Variants in OR1J2 observed in about 807,000 individuals in gnomAD.
OR1J2 encodes olfactory receptor 1J2.
For missense variants in OR1J2, 304 were observed against 246.1 expected, an observed-to-expected ratio of 1.24 and a Z score of -1.57; for synonymous variants, 142 against 99.7, an observed-to-expected ratio of 1.42 and a Z score of -2.52.
At chr9:122,478,782 G>T in the OR1J2 span, among the ~76,000 whole-genome samples, 5 of 151,676 alleles carry the variant, frequency 3.3e-5, no homozygotes, top group Non-Finnish European at 5.9e-5. Flanking sequence ...ATCTTTTTTT[G>T]TTTGTTTGTT....
the OR1J2 span, among the ~76,000 whole-genome samples, chr9:122,469,199 C>T: frequency 6.6e-6 from 1 of 152,198 alleles, no homozygotes; most frequent in Non-Finnish European, 1.5e-5. Context: ...AGTGATATGG[C>T]TTGGCTCTGT....
the OR1J2 span, among the ~76,000 whole-genome samples, chr9:122,478,895 T>G: frequency 6.6e-6 from 1 of 152,112 alleles, no homozygotes; most frequent in East Asian, 1.9e-4. Context: ...TTCTTCCAGC[T>G]AATTTTTTAT....
chr9:122,527,067 A>G, the OR1J2 span: 1 of 1,614,246 alleles, frequency 6.2e-7, no homozygotes, highest in East Asian at 2.2e-5. Context: ...CATCTTGGTA[A>G]CTGTGGAGGA....
chr9:122,500,496 C>G, the OR1J2 span, among the ~76,000 whole-genome samples: 11 of 152,108 alleles, frequency 7.2e-5, no homozygotes, highest in Admixed American at 2.0e-4. Context: ...GAGTTGATCT[C>G]TATGTACTAT....
chr9:122,552,608 TCA>T, the OR1J2 span, among the ~76,000 whole-genome samples: 5 of 152,028 alleles, frequency 3.3e-5, no homozygotes, highest in African/African-American at 1.2e-4. Context: ...TGCCCTCAGC[TCA>T]CATATCCTTT....
chr9:122,559,044 T>C, the OR1J2 span, among the ~76,000 whole-genome samples: 7 of 152,200 alleles, frequency 4.6e-5, no homozygotes, highest in African/African-American at 1.7e-4. Flanking sequence ...TGTCATTTCT[T>C]TGAGGTGAGA....
chr9:122,550,523 A>T, the OR1J2 span, among the ~76,000 whole-genome samples: 2 of 152,066 alleles, frequency 1.3e-5, no homozygotes, highest in Non-Finnish European at 2.9e-5. Context: ...ACTGAATCCA[A>T]CAGCACATCA....
chr9:122,462,334 G>A, the OR1J2 span, among the ~76,000 whole-genome samples: 7 of 152,154 alleles, frequency 4.6e-5, no homozygotes, highest in Admixed American at 3.3e-4. Flanking sequence ...GTCTCTTGAA[G>A]ACAGAAGATA....
At chr9:122,517,087 C>G in the OR1J2 span, among the ~76,000 whole-genome samples, 1 of 152,168 alleles carries the variant, frequency 6.6e-6, no homozygotes, top group Non-Finnish European at 1.5e-5. Flanking sequence ...ATTCTCATGA[C>G]TTAGGCTCAT....
the OR1J2 span, among the ~76,000 whole-genome samples, chr9:122,546,502 A>G: frequency 6.6e-6 from 1 of 152,164 alleles, no homozygotes; most frequent in Non-Finnish European, 1.5e-5. Context: ...GAGCTGTCCA[A>G]GTGATGACCA....
chr9:122,555,407 C>T, the OR1J2 span, among the ~76,000 whole-genome samples: 5 of 152,268 alleles, frequency 3.3e-5, no homozygotes, highest in East Asian at 7.7e-4. Flanking sequence ...ACCATCTTAG[C>T]CTTGAATTAG....
chr9:122,473,890 C>T, the OR1J2 span, among the ~76,000 whole-genome samples: 1 of 152,204 alleles, frequency 6.6e-6, no homozygotes, highest in Non-Finnish European at 1.5e-5. Flanking sequence ...CAATAGCATT[C>T]ATTGGCTTCT....
At chr9:122,557,917 C>T in the OR1J2 span, among the ~76,000 whole-genome samples, 1 of 151,876 alleles carries the variant, frequency 6.6e-6, no homozygotes, top group African/African-American at 2.4e-5. Context: ...ATGTTCATTT[C>T]TTCTTGTATG....
At chr9:122,477,444 G>A in the OR1J2 span, 1 of 1,614,058 alleles carries the variant, frequency 6.2e-7, no homozygotes, top group Admixed American at 1.7e-5. Context: ...GGGCCAGGAG[G>A]AGGGTATGCA....
At chr9:122,514,164 T>C (rs1273537821), downstream of OR1J2, among the ~76,000 whole-genome samples, 2 of 152,200 alleles carry the variant, frequency 1.3e-5, no homozygotes, top group African/African-American at 4.8e-5. Flanking sequence ...TGTTTGACAT[T>C]CGTGGGGTGC....
At chr9:122,457,661 T>TATGGGCAAAGAACTAAGGAAATC in the OR1J2 span, among the ~76,000 whole-genome samples, 3 of 151,698 alleles carry the variant, frequency 2.0e-5, no homozygotes, top group East Asian at 5.8e-4. Context: ...CTTTAAAAAA[T>TATGGGCAAAGAACTAAGGAAATC]ATGGGCAAAG....
At chr9:122,472,888 G>T in the OR1J2 span, among the ~76,000 whole-genome samples, 2 of 152,134 alleles carry the variant, frequency 1.3e-5, no homozygotes, top group Non-Finnish European at 2.9e-5. Flanking sequence ...GAAAACATCA[G>T]CTCCTGAGTG....
At chr9:122,572,080 TG>T in the OR1J2 span, among the ~76,000 whole-genome samples, 8 of 151,564 alleles carry the variant, frequency 5.3e-5, no homozygotes, top group Non-Finnish European at 1.2e-4. Context: ...AGAACAGAGG[TG>T]GGGGGAGGCG....
chr9:122,525,809 T>C, the OR1J2 span, among the ~76,000 whole-genome samples: 1 of 152,232 alleles, frequency 6.6e-6, no homozygotes, highest in Non-Finnish European at 1.5e-5. Context: ...TTAGCTATTC[T>C]GCAGCACATG....
Sources: allele counts gnomAD v4.1 joint callset (sites outside exome capture counted in the v4.1 genomes callset), GRCh38; gene constraint gnomAD v4.1.1; transcripts MANE v1.5; gene names NCBI Gene and HGNC (gene_info 2026-07-23, HGNC 2026-07-21).